The following SREBF2 variants were observed in gnomAD, a reference collection of about 807,000 sequenced individuals.
SREBF2 encodes the protein sterol regulatory element-binding protein 2.
SREBF2 carries 55 observed loss-of-function variants against 113.1 expected under a neutral mutation model. The observed-to-expected ratio is 0.49, with a 90% confidence interval of 0.39 to 0.61. SREBF2 has a LOEUF of 0.61. Ranked by LOEUF, SREBF2 falls within the 20% of genes least tolerant of loss-of-function variation. The pLI, the probability that SREBF2 is intolerant of heterozygous loss-of-function variation, is 0.00. For missense variants in SREBF2, 1,349 were observed against 1,487.4 expected (o/e 0.91, Z 1.53); for synonymous variants, 593 against 605.7 (o/e 0.98, Z 0.31).
chr22:41,895,431 CTTTTT>C (rs35810171), intron 13 of SREBF2, among the ~76,000 whole-genome samples: 2 of 106,222 alleles, frequency 1.9e-5, no homozygotes, highest in Non-Finnish European at 3.8e-5. Context: ...ATGCCCAGGC[CTTTTT>C]TTTTTTTTTT....
chr22:41,870,192 G>GT (rs2148382012), intron 3 of SREBF2, among the ~76,000 whole-genome samples: 1 of 152,242 alleles, frequency 6.6e-6, no homozygotes, highest in Admixed American at 6.5e-5. Context: ...AAAAAATCAG[G>GT]TTTATTATTT....
chr22:41,855,357 G>A (rs893289377), intron 1 of SREBF2, among the ~76,000 whole-genome samples: 1 of 151,880 alleles, frequency 6.6e-6, no homozygotes, highest in African/African-American at 2.4e-5. Context: ...ATTAAACTTC[G>A]TCTACTAAAA....
chr22:41,854,666 C>G (rs1310567767), intron 1 of SREBF2, among the ~76,000 whole-genome samples: 1 of 151,260 alleles, frequency 6.6e-6, no homozygotes, highest in Non-Finnish European at 1.5e-5. Flanking sequence ...GCCAGGAGTT[C>G]AAGACCAGCC....
intron 11 of SREBF2, among the ~76,000 whole-genome samples, chr22:41,887,040 A>AATAC (rs1363176974): frequency 1.3e-5 from 2 of 151,862 alleles, no homozygotes; most frequent in Non-Finnish European, 2.9e-5. Context: ...TCTCAAAATA[A>AATAC]ATACATACGT....
chr22:41,867,296 G>A lies in SREBF2; in HGVS notation c.538+16G>A. On this transcript the variant is annotated intron_variant, in intron 2 of 18. Coordinates refer to ENST00000361204, the MANE Select transcript of SREBF2 (RefSeq NM_004599.4). ...AGCTTTCAAGGTGATTCAGAAGTTA[G>A]AATGGTAGTGGTTGGTTGGTTCCAA... 6.2e-7 allele frequency: 1 copy of A among 1,613,864 alleles called. No homozygotes were observed.
intron 9 of SREBF2, among the ~76,000 whole-genome samples, chr22:41,880,397 C>CAAAAAAAAAAA (rs58272168): frequency 2.3e-5 from 2 of 87,616 alleles, no homozygotes; most frequent in Admixed American, 1.1e-4. Flanking sequence ...ACTAAAAATA[C>CAAAAAAAAAAA]AAAAAAAAAA....
chr22:41,872,296 C>G (rs1472405470), intron 4 of SREBF2, among the ~76,000 whole-genome samples: 1 of 151,052 alleles, frequency 6.6e-6, no homozygotes, highest in Non-Finnish European at 1.5e-5. Flanking sequence ...GGAGTTCATG[C>G]TAATGAGTCC....
intron 9 of SREBF2, chr22:41,878,530 T>C: frequency 2.0e-6 from 1 of 494,946 alleles, no homozygotes; most frequent in South Asian, 1.8e-5. Flanking sequence ...GCTGGTAGTG[T>C]GTCTAGGCCC....
intron 17 of SREBF2, chr22:41,904,610 G>C: frequency 1.5e-6 from 1 of 666,802 alleles, no homozygotes. Context: ...GGGCTTTCTT[G>C]TCACCAGTTG....
rs10588397 is a variant in SREBF2, at chr22:41,839,956, C to CTT, written c.88+6618_88+6619dup. ...TCCCATTTATTCACATGCTTAGTTT[C>CTT]TTTTTTTTTTTTTTTTTTTTTGAGA... On this transcript the variant is annotated intron_variant, in intron 1 of 18. Transcript: ENST00000361204. Among the ~76,000 whole-genome samples the CTT allele has an allele frequency of 6.2e-3, 734 of 117,540 alleles. 7 individuals carry two copies. The highest frequency in any genetic ancestry group is 0.014 in the African/African-American group (387 of 28,282). 77.1% of individuals were successfully genotyped at this position (117,540 alleles called of 152,430 possible). A position where few individuals can be genotyped will look rare whatever the true frequency, so the allele number is the denominator to read the frequency against.
At chr22:41,898,258 C>T (rs2077433138) in intron 14 of SREBF2, among the ~76,000 whole-genome samples, 1 of 152,128 alleles carries the variant, frequency 6.6e-6, no homozygotes, top group South Asian at 2.1e-4. Flanking sequence ...GGATTACAGT[C>T]ACCCGCCACC....
intron 17 of SREBF2, chr22:41,904,434 T>TAAAG (rs2077488601): frequency 2.6e-6 from 1 of 389,620 alleles, no homozygotes; most frequent in Admixed American, 3.4e-5. Context: ...TCTTCCTTTC[T>TAAAG]AAAGATACGG....
At chr22:41,839,954 T>C (rs2076812283) in intron 1 of SREBF2, among the ~76,000 whole-genome samples, 1 of 146,978 alleles carries the variant, frequency 6.8e-6, no homozygotes, top group African/African-American at 2.6e-5. Context: ...CATGCTTAGT[T>C]TCTTTTTTTT....
intron 7 of SREBF2, 124 bp downstream of exon 7, chr22:41,875,848 G>A: frequency 8.7e-7 from 1 of 1,144,590 alleles, no homozygotes; most frequent in Non-Finnish European, 1.3e-6. Flanking sequence ...AGAAAAACAG[G>A]AATTCTGTGA....
At chr22:41,904,434 T>G (rs1327056244) in intron 17 of SREBF2, 1 of 389,620 alleles carries the variant, frequency 2.6e-6, no homozygotes, top group Non-Finnish European at 5.2e-6. Context: ...TCTTCCTTTC[T>G]AAAGATACGG....
intron 1 of SREBF2, chr22:41,834,757 A>G (rs1223405107): frequency 1.3e-5 from 2 of 152,236 alleles, no homozygotes; most frequent in Admixed American, 1.3e-4. Flanking sequence ...TTCTAACCAC[A>G]GACTCTTTGC....
At chr22:41,840,281 T>C (rs1460717818) in intron 1 of SREBF2, among the ~76,000 whole-genome samples, 8 of 152,278 alleles carry the variant, frequency 5.3e-5, no homozygotes. Flanking sequence ...TCTATGTTCC[T>C]GTAACTAATT....
intron 4 of SREBF2, among the ~76,000 whole-genome samples, chr22:41,873,100 G>A (rs1168491042): frequency 2.0e-5 from 3 of 152,118 alleles, no homozygotes; most frequent in Non-Finnish European, 4.4e-5. Context: ...GGGAGGCTGA[G>A]GCAGCAGAAT....
intron 14 of SREBF2, among the ~76,000 whole-genome samples, chr22:41,898,097 CTTAACGGGAGTGAACTTTTTTATTTTTT>C (rs1431206765): frequency 6.6e-6 from 1 of 151,974 alleles, no homozygotes; most frequent in Non-Finnish European, 1.5e-5. Flanking sequence ...GGATTACTAG[CTTAACGGGAGTGAACTTTTTTATTTTTT>C]TTGAGACGGA....
Sources: allele counts gnomAD v4.1 joint callset (sites outside exome capture counted in the v4.1 genomes callset), GRCh38; gene constraint gnomAD v4.1.1; transcripts MANE v1.5; gene names NCBI Gene and HGNC (gene_info 2026-07-23, HGNC 2026-07-21).